HYDIN: variants seen among roughly 807,000 people sequenced by gnomAD.
The protein encoded by HYDIN is HYDIN axonemal central pair apparatus protein.
In HYDIN, 132 loss-of-function variants were observed where a neutral mutation model predicts 403.9. The ratio of observed to expected loss-of-function variants is 0.33; its 90% CI spans 0.28 to 0.38. The LOEUF is 0.38. Ranked by LOEUF, HYDIN falls within the 10% of genes least tolerant of loss-of-function variation. The pLI is 1.00. For missense variants in HYDIN, 2,827 were observed against 5,009.5 expected (o/e 0.56, Z 13.15); for synonymous variants, 1,202 against 1,891.7 (o/e 0.64, Z 9.46).
rs764982620 is a variant in HYDIN at position 70,981,398 on chromosome 16, G to T, written c.4503C>A (p.Asn1501Lys). The change falls in exon 29 of 86, where the codon AAC (asparagine) becomes AAA (lysine). Residue 1501 changes from asparagine to lysine, a missense_variant. Physicochemically the swap from Asn to Lys is moderately conservative, Grantham distance 94. Transcript: ENST00000393567. ...FPQICLDLPR[N>K]LTANEKYEMF... ...TCCAGTGTGAAGTACTACCTGTGAG[G>T]TTCCTGGGGAGATCGAGGCAGATTT... 10 of 1,613,520 alleles carry T rather than the reference G, an allele frequency of 6.2e-6. No homozygotes were observed. The highest frequency in any genetic ancestry group is 6.8e-6 in the Non-Finnish European group (8 of 1,179,782).
intron 66 of HYDIN, 118 bp from the exon 67 acceptor site, chr16:70,866,447 A>G (rs2039758584): frequency 5.7e-6 from 5 of 881,698 alleles, no homozygotes; most frequent in South Asian, 5.5e-5. Context: ...TAGGTACACT[A>G]TGTGACAATA....
At chr16:70,981,361 G>T (rs2079040436) in intron 29 of HYDIN, 30 bp downstream of exon 29, 3 of 1,588,650 alleles carry the variant, frequency 1.9e-6, no homozygotes, top group Non-Finnish European at 2.6e-6. Flanking sequence ...TTTGTCCCCA[G>T]TGGGGAACTA....
chr16:70,977,860 C>T (rs1463416074), intron 30 of HYDIN, among the ~76,000 whole-genome samples: 1 of 151,814 alleles, frequency 6.6e-6, no homozygotes, highest in African/African-American at 2.4e-5. Flanking sequence ...TTGGCCACCC[C>T]TCTCCCCCAC....
At chr16:71,152,218 A>C (rs2085563444) in intron 7 of HYDIN, among the ~76,000 whole-genome samples, 1 of 149,480 alleles carries the variant, frequency 6.7e-6, no homozygotes. Flanking sequence ...CATCATTTCT[A>C]CTGGAGGCAT....
chr16:71,064,772 G>C lies in HYDIN; in HGVS notation c.2144C>G (p.Pro715Arg). Residue 715 changes from proline (P) to arginine (R), a missense_variant, in exon 16 of 86, where the codon CCG (proline) becomes CGG (arginine). Coordinates refer to ENST00000393567, the MANE Select transcript of HYDIN (RefSeq NM_001270974.2). Reference protein sequence around the residue: ...VDFGHCFLKYPYEKTLQLANQ... With the variant: ...VDFGHCFLKYRYEKTLQLANQ... ...GGCAAGCTGGAGTGTTTTCTCATAC[G>C]GGTACTTCAGGAAGCAGTGCCCAAA... 6.2e-7 allele frequency: 1 copy of C among 1,613,852 alleles called. No homozygotes were observed. Among genetic ancestry groups the C allele is most frequent in the Non-Finnish European group, 8.5e-7 (1 of 1,179,958 alleles).
At chr16:70,941,587 C>G (rs754602551) in intron 43 of HYDIN, 49 bp downstream of exon 43, 1 of 1,358,884 alleles carries the variant, frequency 7.4e-7, no homozygotes, top group Non-Finnish European at 9.8e-7. Flanking sequence ...AACGGAATAG[C>G]AAATGTCAAA....
At chr16:71,017,409 T>G (rs1399124696) in intron 23 of HYDIN, among the ~76,000 whole-genome samples, 1 of 151,856 alleles carries the variant, frequency 6.6e-6, no homozygotes, top group African/African-American at 2.4e-5. Flanking sequence ...TCTCTCCTGC[T>G]ATCATGAAAG....
intron 18 of HYDIN, among the ~76,000 whole-genome samples, chr16:71,051,443 G>A (rs376772612): frequency 1.7e-4 from 26 of 151,624 alleles, no homozygotes; most frequent in African/African-American, 5.1e-4. Flanking sequence ...TCAGGAGATC[G>A]AGACCATCCT....
intron 9 of HYDIN, among the ~76,000 whole-genome samples, chr16:71,124,420 C>T (rs2084372512): frequency 6.6e-6 from 1 of 152,100 alleles, no homozygotes; most frequent in African/African-American, 2.4e-5. Flanking sequence ...CTCTTGGCAA[C>T]TTAGGGACAG....
At chr16:70,968,627 G>C (rs969145046) in intron 36 of HYDIN, among the ~76,000 whole-genome samples, 1 of 152,008 alleles carries the variant, frequency 6.6e-6, no homozygotes, top group Non-Finnish European at 1.5e-5. Flanking sequence ...GCATCTGGCA[G>C]TAAGAAGGCA....
At chr16:70,947,683 C>T (rs1315475715) in intron 41 of HYDIN, among the ~76,000 whole-genome samples, 6 of 152,000 alleles carry the variant, frequency 3.9e-5, no homozygotes, top group African/African-American at 7.3e-5. Flanking sequence ...GAGAGCCAAA[C>T]CATGAGTGAA....
At chr16:70,947,717 G>A (rs1250124784) in intron 41 of HYDIN, among the ~76,000 whole-genome samples, 4 of 151,836 alleles carry the variant, frequency 2.6e-5, no homozygotes, top group African/African-American at 9.7e-5. Flanking sequence ...TTGCTTCAAA[G>A]AGAATAAAAT....
chr16:70,966,948 AT>A (rs2078595275), intron 36 of HYDIN, among the ~76,000 whole-genome samples: 1 of 150,918 alleles, frequency 6.6e-6, no homozygotes, highest in Non-Finnish European at 1.5e-5. Flanking sequence ...TATAGATAAA[AT>A]ACAAGTAGGA....
chr16:71,067,194 T>A, intron 15 of HYDIN, 96 bp downstream of exon 15: 2 of 627,140 alleles, frequency 3.2e-6, no homozygotes, highest in East Asian at 2.8e-5. Flanking sequence ...ACAAACTCAG[T>A]GTGCTTGGGT....
intron 18 of HYDIN, among the ~76,000 whole-genome samples, chr16:71,039,629 G>A (rs1210797703): frequency 1.3e-5 from 2 of 152,176 alleles, no homozygotes; most frequent in African/African-American, 4.8e-5. Context: ...GGGACACTTT[G>A]ATGGCATAAC....
intron 7 of HYDIN, among the ~76,000 whole-genome samples, chr16:71,137,999 A>ATTAAAAAT (rs1194139045): frequency 1.3e-5 from 2 of 151,992 alleles, no homozygotes; most frequent in Non-Finnish European, 2.9e-5. Flanking sequence ...CAAAAATTGT[A>ATTAAAAAT]TTAAAAATTT....
chr16:70,820,111 C>T (rs201866425), intron 83 of HYDIN, among the ~76,000 whole-genome samples: 5 of 148,328 alleles, frequency 3.4e-5, no homozygotes, highest in Non-Finnish European at 6.0e-5. Context: ...TGAGCCACCG[C>T]GCCTGGCCTT....
intron 60 of HYDIN, among the ~76,000 whole-genome samples, 182 bp downstream of exon 60, chr16:70,882,478 C>A (rs1455789151): frequency 1.3e-5 from 2 of 152,188 alleles, no homozygotes; most frequent in East Asian, 3.8e-4. Context: ...GGAGGAGACA[C>A]CCACTGGGAC....
intron 23 of HYDIN, among the ~76,000 whole-genome samples, chr16:71,011,846 A>G (rs2080095090): frequency 1.3e-5 from 2 of 151,148 alleles, no homozygotes; most frequent in Admixed American, 1.3e-4. Context: ...TCCTCTTCCA[A>G]TCTCCATATT....
Sources: gnomAD v4.1 joint callset for allele counts (sites outside exome capture counted in the v4.1 genomes callset) on GRCh38, gnomAD v4.1.1 for gene constraint, MANE v1.5 for transcripts, NCBI Gene and HGNC (gene_info 2026-07-23, HGNC 2026-07-21) for gene names.